SIGLEC9: variants seen among roughly 807,000 people sequenced by gnomAD.
SIGLEC9 encodes sialic acid binding Ig like lectin 9.
In SIGLEC9, 26 loss-of-function variants were observed where a neutral mutation model predicts 38.3. The observed-to-expected ratio is 0.68, with a 90% CI of 0.50 to 0.94. The LOEUF (loss-of-function observed/expected upper bound fraction) is 0.94. Among genes scored for constraint, SIGLEC9 ranks in the 40% least tolerant of loss-of-function variants. The pLI is 0.00. For missense variants in SIGLEC9, 556 were observed against 585.7 expected (o/e 0.95, Z 0.52); for synonymous variants, 236 against 248.0 (o/e 0.95, Z 0.45).
At chr19:51,124,167 T>C (rs273686), upstream of SIGLEC9, among the ~76,000 whole-genome samples, 5,520 of 152,186 alleles carry the variant, frequency 0.036, 332 homozygotes, top group African/African-American at 0.13. Context: ...TCTTCCGAAT[T>C]TCCTCCCTTC....
chr19:51,124,104 C>T (rs531004142), upstream of SIGLEC9, among the ~76,000 whole-genome samples: 15 of 152,132 alleles, frequency 9.9e-5, no homozygotes, highest in Admixed American at 3.3e-4. Context: ...AGAAACCCTT[C>T]GTGGTGCAGT....
chr19:51,124,920 A>C lies in SIGLEC9; in HGVS notation c.-55A>C. ...GTCTTGAGCCCGCAGTTCCTGAGAG[A>C]AGAACCCTGAGGAACAGACGTTCCC... On this transcript the variant is annotated 5_prime_UTR_variant, in exon 1 of 7. Transcript: ENST00000250360. The C allele has an allele frequency of 6.4e-7, 1 of 1,555,210 alleles. No homozygotes were observed. The highest frequency in any genetic ancestry group is 1.2e-5 in the South Asian group (1 of 80,790).
chr19:51,122,466 A>T (rs2091951976), upstream of SIGLEC9, among the ~76,000 whole-genome samples: 1 of 151,926 alleles, frequency 6.6e-6, no homozygotes, highest in Admixed American at 6.6e-5. The surrounding 1 kb of genome is among the most constrained non-coding windows in gnomAD (Gnocchi z 4.1). Context: ...CTGTAATCCC[A>T]GCTACTCAGG....
chr19:51,126,018 A>T lies in SIGLEC9; in HGVS notation c.701-63A>T. On this transcript the variant is annotated intron_variant, in intron 2 of 6. Transcript: ENST00000250360. ...TTCCCTGTTTATGCGGCTCCTGGGG[A>T]CAGACAGGGCCAGTGTCCCCAGCCC... 3 of 1,590,844 alleles carry T rather than the reference A, an allele frequency of 1.9e-6. No homozygotes were observed. In the East Asian group the frequency reaches 6.7e-5, roughly 36 times the overall value.
upstream of SIGLEC9, among the ~76,000 whole-genome samples, chr19:51,123,764 T>C (rs966514896): frequency 6.6e-6 from 1 of 152,192 alleles, no homozygotes; most frequent in Non-Finnish European, 1.5e-5. Flanking sequence ...GACATTTTTA[T>C]CTATATGGCT....
intron 5 of SIGLEC9, 29 bp from the exon 6 acceptor site, chr19:51,128,385 C>G: frequency 6.2e-7 from 1 of 1,610,510 alleles, no homozygotes; most frequent in South Asian, 1.1e-5. Context: ...TCTGACCACA[C>G]TGAAAGGCTC....
chr19:51,125,090 T>C lies in SIGLEC9; in HGVS notation c.116T>C (p.Val39Ala). The change falls in exon 1 of 7, where the codon GTG (valine) becomes GCG (alanine). Residue 39 changes from valine to alanine, a missense_variant. Val to Ala is a moderately conservative substitution (Grantham distance 64, BLOSUM62 0). Transcript: ENST00000250360. ...GTGCAGGAAGGCCTGTGTGTCCATG[T>C]GCCCTGCTCCTTCTCCTACCCCTCG... is the stretch of plus-strand genomic sequence containing the variant. ...VTVQEGLCVH[V>A]PCSFSYPSHG... 3 of 1,614,066 alleles carry C rather than the reference T, an allele frequency of 1.9e-6. No individual in the cohort carries two copies. Among genetic ancestry groups the C allele is most frequent in the Non-Finnish European group, 2.5e-6 (3 of 1,179,984 alleles).
At chr19:51,121,477 A>G (rs1312821313), upstream of SIGLEC9, among the ~76,000 whole-genome samples, 1 of 151,636 alleles carries the variant, frequency 6.6e-6, no homozygotes, top group Non-Finnish European at 1.5e-5. Context: ...CACTGTACTC[A>G]TGAGCCAGTG....
downstream of SIGLEC9, among the ~76,000 whole-genome samples, chr19:51,135,055 G>A (rs1244677880): frequency 6.6e-6 from 1 of 152,172 alleles, no homozygotes; most frequent in Non-Finnish European, 1.5e-5. Flanking sequence ...GACAGCCAGC[G>A]AAAGCATTAT....
upstream of SIGLEC9, chr19:51,119,949 T>C (rs921024682): frequency 1.2e-5 from 2 of 173,722 alleles, no homozygotes; most frequent in Non-Finnish European, 2.4e-5. Context: ...TCTCCTTCTC[T>C]CCCCAGGGGC....
rs1051296655 is a variant in SIGLEC9 at position 51,128,510 on chromosome 19, G to C, written c.1203G>C (p.Gln401His). The change falls in exon 6 of 7, where the codon CAG becomes CAC. Residue 401 changes from glutamine (Q) to histidine (H), a missense_variant and splice_region_variant. Gln to His is a conservative substitution (Grantham distance 24). Transcript: ENST00000250360. ...DANAVRGSAS[Q>H]GPLTEPWAED... ...ACGCTGTCAGGGGTTCAGCCTCTCA[G>C]GTGAGTGATGTGGACTCTCCACAGC... 1.2e-6 allele frequency: 2 copies of C among 1,613,482 alleles called. No homozygotes were observed. The highest frequency in any genetic ancestry group is 3.3e-5 in the Admixed American group (2 of 60,012).
upstream of SIGLEC9, among the ~76,000 whole-genome samples, chr19:51,123,499 T>C (rs2091956071): frequency 6.6e-6 from 1 of 152,218 alleles, no homozygotes; most frequent in African/African-American, 2.4e-5. Flanking sequence ...GTTGAGATGC[T>C]GCAACTTCCC....
rs764072934 is a variant in SIGLEC9 at position 51,125,732 on chromosome 19, C to A, written c.557C>A (p.Ser186Tyr). The A allele has an allele frequency of 6.2e-7, 1 of 1,613,634 alleles. No individual in the cohort carries two copies. Among genetic ancestry groups the A allele is most frequent in the African/African-American group, 1.3e-5 (1 of 74,882 alleles). ...PMISWIGTSV[S>Y]PLDPSTTRSS... Reference sequence around the variant, plus strand: ...ATCTCCTGGATAGGGACCTCCGTGTCCCCCCTGGACCCCTCCACCACCCGC... The same window carrying A: ...ATCTCCTGGATAGGGACCTCCGTGTACCCCCTGGACCCCTCCACCACCCGC... The change falls in exon 2 of 7, where the codon TCC (serine) becomes TAC (tyrosine). Residue 186 changes from serine (S) to tyrosine (Y), a missense_variant. Coordinates refer to ENST00000250360, the MANE Select transcript of SIGLEC9 (RefSeq NM_014441.3).
At chr19:51,124,267 A>C (rs1174409514), upstream of SIGLEC9, among the ~76,000 whole-genome samples, 1 of 152,084 alleles carries the variant, frequency 6.6e-6, no homozygotes, top group Non-Finnish European at 1.5e-5. Context: ...GTATCAACAC[A>C]TAGAATCCTC....
upstream of SIGLEC9, among the ~76,000 whole-genome samples, chr19:51,121,953 C>T (rs2091951070): frequency 6.6e-6 from 1 of 151,886 alleles, no homozygotes; most frequent in South Asian, 2.1e-4. Flanking sequence ...CATGCTGTGC[C>T]CCTGATAGCA....
chr19:51,123,677 G>A (rs940854607), upstream of SIGLEC9, among the ~76,000 whole-genome samples: 4 of 152,202 alleles, frequency 2.6e-5, no homozygotes, highest in African/African-American at 9.7e-5. Context: ...AAGAGGAGGT[G>A]TTGCGGCATC....
rs932112493 is a variant in SIGLEC9 at position 51,126,101 on chromosome 19, A to G, written c.721A>G (p.Met241Val). ...NVSYPPQNLTMTVFQGDGTVS... is the reference protein window; with the variant it reads ...NVSYPPQNLTVTVFQGDGTVS... ...CCCAGACCCGCCTCAGAACTTGACC[A>G]TGACTGTCTTCCAAGGAGACGGCAC... The change falls in exon 3 of 7, where the codon ATG (methionine) becomes GTG (valine). Residue 241 changes from methionine to valine, a missense_variant. By Grantham distance (21) the Met-to-Val change is conservative. Transcript: ENST00000250360. 1.9e-6 allele frequency: 3 copies of G among 1,613,982 alleles called. No individual in the cohort carries two copies. The highest frequency in any genetic ancestry group is 2.5e-6 in the Non-Finnish European group (3 of 1,179,930).
chr19:51,122,257 G>A (rs751915397), upstream of SIGLEC9, among the ~76,000 whole-genome samples: 9 of 152,126 alleles, frequency 5.9e-5, no homozygotes, highest in Non-Finnish European at 1.2e-4. This position sits in a 1 kb window ranked among gnomAD's most constrained non-coding sequence, Gnocchi z 4.1. Flanking sequence ...GGGTCTGTCA[G>A]CTAGCGTGGA....
At chr19:51,130,648 C>T (rs781234808), downstream of SIGLEC9, among the ~76,000 whole-genome samples, 16 of 152,308 alleles carry the variant, frequency 1.1e-4, no homozygotes, top group Admixed American at 3.9e-4. Context: ...ACTGCTAGGC[C>T]GCCTTACTCT....
Sources: gnomAD v4.1 joint callset for allele counts (sites outside exome capture counted in the v4.1 genomes callset) on GRCh38, gnomAD v4.1.1 for gene constraint, Gnocchi (gnomAD v3.1) non-coding constraint, MANE v1.5 for transcripts, NCBI Gene and HGNC (gene_info 2026-07-23, HGNC 2026-07-21) for gene names.